PTPRF: variants seen among roughly 807,000 people sequenced by gnomAD.
PTPRF encodes the protein protein tyrosine phosphatase receptor type F, also known as receptor-type tyrosine-protein phosphatase F.
Under a neutral mutation model 201.8 loss-of-function variants are expected in PTPRF, and 59 were observed. That is an observed-to-expected ratio of 0.29 (90% CI 0.24 to 0.36). The LOEUF (loss-of-function observed/expected upper bound fraction) is 0.36. Ranked by LOEUF, PTPRF falls within the 10% of genes least tolerant of loss-of-function variation. The pLI is 1.00. For missense variants in PTPRF, 2,132 were observed against 2,690.5 expected, an observed-to-expected ratio of 0.79 and a Z score of 4.59; for synonymous variants, 1,088 against 1,089.7, an observed-to-expected ratio of 1.00 and a Z score of 0.03.
At position 43,554,383 on chromosome 1, in the gene PTPRF, TCTC is replaced by T. The variant is rs1359399854; in HGVS notation, c.379+443_379+445del. On this transcript the variant is annotated intron_variant, in intron 5 of 33. Coordinates refer to ENST00000359947, the MANE Select transcript of PTPRF (RefSeq NM_002840.5). The surrounding 1 kb of genome is among the most constrained non-coding windows in gnomAD (Gnocchi z 4.1). ...GCTCTGTCCGTGGATTTTAGTGTCT[TCTC>T]TCACTTGGTGGCTTCTCCATTCATT... is the stretch of plus-strand genomic sequence containing the variant. Among the ~76,000 whole-genome samples the T allele has an allele frequency of 7.9e-5, 12 of 152,160 alleles. No individual in the cohort carries two copies. Among genetic ancestry groups the T allele is most frequent in the African/African-American group, 2.9e-4 (12 of 41,434 alleles).
chr1:43,548,663 G>A (rs1644832361), intron 3 of PTPRF, among the ~76,000 whole-genome samples: 1 of 152,134 alleles, frequency 6.6e-6, no homozygotes, highest in Non-Finnish European at 1.5e-5. Context: ...TGGGGCTCTT[G>A]CTCTGTCCCT....
chr1:43,609,333 G>C (rs370579851), intron 21 of PTPRF, 50 bp from the exon 22 acceptor site: 6 of 1,498,428 alleles, frequency 4.0e-6, no homozygotes, highest in Admixed American at 3.4e-5. Flanking sequence ...ATGTGTCACT[G>C]TCTCAGCCTG....
At chr1:43,609,995 G>C (rs1656061809) in intron 22 of PTPRF, among the ~76,000 whole-genome samples, 1 of 152,164 alleles carries the variant, frequency 6.6e-6, no homozygotes, top group Admixed American at 6.5e-5. Context: ...CCACTCTCAT[G>C]GGGCTGTCCA....
Position 43,591,882 on chromosome 1 carries a change from G to C in PTPRF, c.1602G>C (p.Leu534=). ...SDTRIQLSWL[L]PPQERIIMYE... ...CCAGGATCCAGCTCTCGTGGCTGCT[G>C]CCCCCTCAGGAGCGGATCATCATGT... is the stretch of plus-strand genomic sequence containing the variant. The change falls in exon 10 of 34, where the codon CTG becomes CTC. Residue 534 remains leucine (L), a synonymous_variant. Coordinates refer to ENST00000359947, the MANE Select transcript of PTPRF (RefSeq NM_002840.5). The C allele has an allele frequency of 1.9e-6, 3 of 1,613,450 alleles. No individual in the cohort carries two copies. Among genetic ancestry groups the C allele is most frequent in the South Asian group, 1.1e-5 (1 of 91,080 alleles).
At chr1:43,523,881 T>A, upstream of PTPRF, among the ~76,000 whole-genome samples, 1 of 142,504 alleles carries the variant, frequency 7.0e-6, no homozygotes, top group Non-Finnish European at 1.5e-5. Context: ...ATCCCCTAAG[T>A]CTACTAAAGA....
At chr1:43,569,205 C>T (rs964319908) in intron 5 of PTPRF, among the ~76,000 whole-genome samples, 8 of 151,268 alleles carry the variant, frequency 5.3e-5, no homozygotes, top group East Asian at 2.0e-4. Flanking sequence ...GGATGCTGCG[C>T]GAGCTCCCTG....
chr1:43,548,775 G>A (rs1306935563), intron 3 of PTPRF, among the ~76,000 whole-genome samples: 1 of 152,216 alleles, frequency 6.6e-6, no homozygotes, highest in Non-Finnish European at 1.5e-5. Context: ...AGGGATATCT[G>A]TCTCTCCAGA....
chr1:43,557,950 A>C (rs1645508427), intron 5 of PTPRF, among the ~76,000 whole-genome samples: 1 of 152,208 alleles, frequency 6.6e-6, no homozygotes, highest in Admixed American at 6.5e-5. Context: ...AGCAGCCCAG[A>C]GGGTGAACAC....
Position 43,546,729 on chromosome 1 carries a change from T to C in PTPRF, c.91+1563T>C, listed in dbSNP as rs1348627839. On this transcript the variant is annotated intron_variant, in intron 3 of 33. Coordinates refer to ENST00000359947, the MANE Select transcript of PTPRF (RefSeq NM_002840.5). The surrounding 1 kb of genome is among the most constrained non-coding windows in gnomAD (Gnocchi z 4.2). ...ACGCGCCCCAACCTGTACCCCTCAC[T>C]CTCATCCCCCAGCCTGCTGTCTTCC... is the stretch of plus-strand genomic sequence containing the variant. 6.6e-6 allele frequency among the ~76,000 whole-genome samples: 1 copy of C among 151,778 alleles called. No individual in the cohort carries two copies. The highest frequency in any genetic ancestry group is 1.9e-4 in the East Asian group (1 of 5,166).
At chr1:43,565,955 C>T (rs962772322) in intron 5 of PTPRF, among the ~76,000 whole-genome samples, 3 of 152,230 alleles carry the variant, frequency 2.0e-5, no homozygotes, top group East Asian at 3.8e-4. Flanking sequence ...TCCCCTTCGG[C>T]GCCAACAGGA....
chr1:43,619,523 G>A lies in PTPRF; in HGVS notation c.4882G>A (p.Gly1628Ser), dbSNP rs150085995. 134 of 1,613,890 alleles carry A rather than the reference G, an allele frequency of 8.3e-5. No individual in the cohort carries two copies. The highest frequency in any genetic ancestry group is 1.0e-4 in the Non-Finnish European group (122 of 1,180,030). The stretch of plus-strand genomic sequence containing the variant: ...CCTGTATGCCCACATCCAGAAGCTG[G>A]GCCAAGTGCCTCCAGGGGAGAGTGT... ...RNLYAHIQKL[G>S]QVPPGESVTA... The change falls in exon 28 of 34, where the codon GGC becomes AGC. Residue 1628 changes from glycine to serine, a missense_variant. Gly to Ser is a moderately conservative substitution (Grantham distance 56). Coordinates refer to ENST00000359947, the MANE Select transcript of PTPRF (RefSeq NM_002840.5).
intron 1 of PTPRF, chr1:43,532,464 A>T (rs988735199): frequency 4.5e-5 from 7 of 154,328 alleles, no homozygotes; most frequent in African/African-American, 1.7e-4. Context: ...AGGGGCAGGG[A>T]TCCAGAGCGA....
intron 5 of PTPRF, among the ~76,000 whole-genome samples, chr1:43,559,785 C>T (rs1310179040): frequency 3.5e-5 from 5 of 142,908 alleles, no homozygotes; most frequent in African/African-American, 1.1e-4. Context: ...GTGCAGCAGG[C>T]AGTGTGTTTA....
chr1:43,598,778 T>G lies in PTPRF; in HGVS notation c.2178T>G (p.His726Gln). ...EVEPLNSTAV[H>Q]VYWKLPVPSK... is the part of the protein sequence containing the mutation. Reference sequence around the variant, plus strand: ...AGCCACTGAACTCCACTGCTGTGCATGTCTACTGGAAGCTGCCTGTCCCCA... The same window carrying G: ...AGCCACTGAACTCCACTGCTGTGCAGGTCTACTGGAAGCTGCCTGTCCCCA... Residue 726 changes from histidine to glutamine, a missense_variant, in exon 13 of 34, where the codon CAT becomes CAG. Physicochemically the swap from His to Gln is conservative, Grantham distance 24. Coordinates refer to ENST00000359947, the MANE Select transcript of PTPRF (RefSeq NM_002840.5). 6.2e-7 allele frequency: 1 copy of G among 1,614,166 alleles called. No individual in the cohort carries two copies. The highest frequency in any genetic ancestry group is 8.5e-7 in the Non-Finnish European group (1 of 1,180,010).
intron 7 of PTPRF, among the ~76,000 whole-genome samples, chr1:43,587,696 G>A (rs572459272): frequency 2.0e-5 from 3 of 152,308 alleles, no homozygotes; most frequent in South Asian, 2.1e-4. Flanking sequence ...GCTGCCTGCC[G>A]CCTTTGGCCC....
chr1:43,604,823 G>A (rs1027694807), intron 16 of PTPRF, 80 bp from the exon 17 acceptor site: 3 of 1,204,478 alleles, frequency 2.5e-6, no homozygotes, highest in Non-Finnish European at 3.6e-6. Flanking sequence ...TCTCATCCTG[G>A]CCATTCACCT....
chr1:43,553,311 C>T lies in PTPRF; in HGVS notation c.92-181C>T, dbSNP rs1645147951. ...TATAGCACTCACCTCATATGCTTAACAGAGTTAAAAAATGTTAAACTCTCT... is the reference window on the plus strand; with the variant it reads ...TATAGCACTCACCTCATATGCTTAATAGAGTTAAAAAATGTTAAACTCTCT... On this transcript the variant is annotated intron_variant, in intron 3 of 33. Coordinates refer to ENST00000359947, the MANE Select transcript of PTPRF (RefSeq NM_002840.5). The surrounding 1 kb of genome is among the most constrained non-coding windows in gnomAD (Gnocchi z 4.1). 2.0e-5 allele frequency among the ~76,000 whole-genome samples: 3 copies of T among 152,212 alleles called. No individual in the cohort carries two copies. The highest frequency in any genetic ancestry group is 7.2e-5 in the African/African-American group (3 of 41,454).
intron 5 of PTPRF, among the ~76,000 whole-genome samples, chr1:43,563,888 G>C (rs958843612): frequency 6.6e-6 from 1 of 152,114 alleles, no homozygotes; most frequent in Non-Finnish European, 1.5e-5. Context: ...TGGGTCGGGT[G>C]TATGCGCAGG....
rs185601747 is a variant in PTPRF at position 43,617,118 on chromosome 1, G to C, written c.4072-327G>C. ...TCAGCAGTTTCGGGACTGCCTGAGAGGGGGCCACCACCTGTCCTAGCTCAT... is the reference window on the plus strand; with the variant it reads ...TCAGCAGTTTCGGGACTGCCTGAGACGGGGCCACCACCTGTCCTAGCTCAT... On this transcript the variant is annotated intron_variant, in intron 23 of 33. Coordinates refer to ENST00000359947, the MANE Select transcript of PTPRF (RefSeq NM_002840.5). Among the ~76,000 whole-genome samples, 7 of 152,114 alleles carry C rather than the reference G, an allele frequency of 4.6e-5. No individual in the cohort carries two copies. The East Asian group carries it at 1.4e-3, about 29-fold the overall frequency.
Sources: gnomAD v4.1 joint callset for allele counts (sites outside exome capture counted in the v4.1 genomes callset) on GRCh38, gnomAD v4.1.1 for gene constraint, Gnocchi (gnomAD v3.1) non-coding constraint, MANE v1.5 for transcripts, NCBI Gene and HGNC (gene_info 2026-07-23, HGNC 2026-07-21) for gene names.